HNRNPUL2: variants seen among roughly 807,000 people sequenced by gnomAD.
The protein encoded by HNRNPUL2 is heterogeneous nuclear ribonucleoprotein U like 2.
Under a neutral mutation model 102.2 loss-of-function variants are expected in HNRNPUL2, and 27 were observed. That is an observed-to-expected ratio of 0.26 (90% CI 0.19 to 0.36). The LOEUF (loss-of-function observed/expected upper bound fraction) is 0.36. Ranked by LOEUF, HNRNPUL2 falls within the 10% of genes least tolerant of loss-of-function variation. The pLI is 1.00. For missense variants in HNRNPUL2, 936 were observed against 981.1 expected, an observed-to-expected ratio of 0.95 and a Z score of 0.61; for synonymous variants, 458 against 387.2, an observed-to-expected ratio of 1.18 and a Z score of -2.15.
intron 9 of HNRNPUL2, among the ~76,000 whole-genome samples, chr11:62,720,790 C>G (rs930069278): frequency 2.8e-5 from 4 of 144,842 alleles, no homozygotes; most frequent in Non-Finnish European, 6.0e-5. Context: ...CATGAACCTA[C>G]GAGGCTGAGC....
Position 62,726,675 on chromosome 11 carries a change from C to G in HNRNPUL2, c.482G>C (p.Ser161Thr). 1 of 1,600,024 alleles carries G rather than the reference C, an allele frequency of 6.2e-7. No homozygotes were observed. The highest frequency in any genetic ancestry group is 1.3e-5 in the African/African-American group (1 of 75,014). ...CTCGGATCCCGGCGTCTCGTCCCCGCTCCGCTCCTCGGGTTCGTCTTCCTC... is the reference window on the plus strand; with the variant it reads ...CTCGGATCCCGGCGTCTCGTCCCCGGTCCGCTCCTCGGGTTCGTCTTCCTC... ...KREEDEPEERSGDETPGSEVP... is the reference protein window; with the variant it reads ...KREEDEPEERTGDETPGSEVP... The change falls in exon 1 of 14, where the codon AGC (serine) becomes ACC (threonine). Residue 161 changes from serine to threonine, a missense_variant. Around this residue, in one of 2 missense-constraint regions of HNRNPUL2, gnomAD observed 327 missense variants for 268.1 expected, o/e 1.22. Coordinates refer to ENST00000301785, the MANE Select transcript of HNRNPUL2 (RefSeq NM_001079559.3).
rs1388183826 is a variant in HNRNPUL2, at chr11:62,727,033, G to C, written c.124C>G (p.Leu42Val). 3 of 1,397,894 alleles carry C rather than the reference G, an allele frequency of 2.1e-6. No homozygotes were observed. The highest frequency in any genetic ancestry group is 2.9e-5 in the South Asian group (2 of 68,322). The allele number at this position is 1,397,894 out of a possible 1,614,324, so 86.6% of individuals were successfully genotyped here. Residue 42 changes from leucine (L) to valine (V), a missense_variant, in exon 1 of 14, where the codon CTC (leucine) becomes GTC (valine). Physicochemically the swap from Leu to Val is conservative, Grantham distance 32. This residue lies in a region of HNRNPUL2 where 327 missense variants were observed against 268.1 expected (regional missense o/e 1.22). Coordinates refer to ENST00000301785, the MANE Select transcript of HNRNPUL2 (RefSeq NM_001079559.3). ...CCGCCGCCGCCGGCCTCGTCCTCGA[G>C]CATCTCGGCGTCCAGCGCCTCCTGC... ...RLQEALDAEMLEDEAGGGGAG... is the reference protein window; with the variant it reads ...RLQEALDAEMVEDEAGGGGAG...
Position 62,727,400 on chromosome 11 carries a change from T to C in HNRNPUL2, c.-244A>G, listed in dbSNP as rs987816740. The C allele has an allele frequency of 2.0e-5, 8 of 399,592 alleles. No homozygotes were observed. The highest frequency in any genetic ancestry group is 2.8e-5 in the Non-Finnish European group (7 of 248,392). The allele number at this position is 399,592 out of a possible 1,614,324, so 24.8% of individuals were successfully genotyped here. A position where few individuals can be genotyped will look rare whatever the true frequency, so the allele number is the denominator to read the frequency against. On this transcript the variant is annotated 5_prime_UTR_variant, in exon 1 of 14. Transcript: ENST00000301785. The stretch of plus-strand genomic sequence containing the variant: ...AGCCCAAAACAACGCAGCAGGGAGC[T>C]GTTTCCCCTCCAGGCCCTTGGTTCC...
In HNRNPUL2 at chr11:62,718,902, C is replaced by T. The variant is rs1565160658; in HGVS notation, c.1780+1121G>A. Reference sequence around the variant, plus strand: ...GTGCAGTGGCACAATCCCAGCTCACCGCAAACTCTGCCACCTAGGTTCAAG... The same window carrying T: ...GTGCAGTGGCACAATCCCAGCTCACTGCAAACTCTGCCACCTAGGTTCAAG... On this transcript the variant is annotated intron_variant, in intron 10 of 13. Coordinates refer to ENST00000301785, the MANE Select transcript of HNRNPUL2 (RefSeq NM_001079559.3). Among the ~76,000 whole-genome samples, 5 of 151,796 alleles carry T rather than the reference C, an allele frequency of 3.3e-5. No homozygotes were observed. The South Asian group carries it at 1.0e-3, about 32-fold the overall frequency.
chr11:62,717,458 TA>T (rs1418065506), intron 10 of HNRNPUL2, among the ~76,000 whole-genome samples: 1 of 152,222 alleles, frequency 6.6e-6, no homozygotes, highest in Non-Finnish European at 1.5e-5. Flanking sequence ...TGAACTGGGT[TA>T]AAGTTTCTCA....
chr11:62,721,068 A>G (rs556582850), intron 9 of HNRNPUL2, among the ~76,000 whole-genome samples: 9 of 152,278 alleles, frequency 5.9e-5, no homozygotes, highest in African/African-American at 1.9e-4. Context: ...CAGGAATTCA[A>G]ATGAGTTCCA....
In HNRNPUL2 at chr11:62,721,442, A is replaced by G; in HGVS notation, c.1483-19T>C. ...CCTTCATCTGATTAGTTTGAGAGGAAGTGAAAAAAAAAAACAAAACACAAG... is the reference window on the plus strand; with the variant it reads ...CCTTCATCTGATTAGTTTGAGAGGAGGTGAAAAAAAAAAACAAAACACAAG... On this transcript the variant is annotated intron_variant, in intron 8 of 13. Coordinates refer to ENST00000301785, the MANE Select transcript of HNRNPUL2 (RefSeq NM_001079559.3). 6.9e-7 allele frequency: 1 copy of G among 1,448,648 alleles called. No individual in the cohort carries two copies. Among genetic ancestry groups the G allele is most frequent in the African/African-American group, 1.9e-5 (1 of 51,728 alleles). The allele number at this position is 1,448,648 out of a possible 1,614,324, so 89.7% of individuals were successfully genotyped here.
rs183199947 is a variant in HNRNPUL2, at chr11:62,726,272, C to G, written c.538+347G>C. On this transcript the variant is annotated intron_variant, in intron 1 of 13. Coordinates refer to ENST00000301785, the MANE Select transcript of HNRNPUL2 (RefSeq NM_001079559.3). Reference sequence around the variant, plus strand: ...CCCTCTAACTGTGGGCCTAGTTCTCCGTGTAATCCCCAATTGCTTAGCACT... The same window carrying G: ...CCCTCTAACTGTGGGCCTAGTTCTCGGTGTAATCCCCAATTGCTTAGCACT... 5.9e-5 allele frequency among the ~76,000 whole-genome samples: 9 copies of G among 152,240 alleles called. No individual in the cohort carries two copies. In the East Asian group the frequency reaches 1.7e-3, roughly 29 times the overall value.
At chr11:62,716,901 G>T in intron 11 of HNRNPUL2, 88 bp downstream of exon 11, 3 of 1,361,608 alleles carry the variant, frequency 2.2e-6, no homozygotes, top group Non-Finnish European at 3.1e-6. Context: ...GACCTGACTT[G>T]GTTTCCTTGG....
chr11:62,721,343 C>T lies in HNRNPUL2; in HGVS notation c.1563G>A (p.Lys521=). The T allele has an allele frequency of 6.2e-7, 1 of 1,609,730 alleles. No individual in the cohort carries two copies. Residue 521 remains lysine (K), a synonymous_variant, in exon 9 of 14, where the codon AAG becomes AAA. Transcript: ENST00000301785. ...TTGTCCGGGAAGCAATCTGGACCAG[C>T]TTACTAAGGCACTGGGAGGCTTGCT... ...LVQQASQCLS[K]LVQIASRTKR... is the part of the protein sequence containing the mutation.
At position 62,722,185 on chromosome 11, in the gene HNRNPUL2, T is replaced by C. The variant is rs2083708134; in HGVS notation, c.1291A>G (p.Ile431Val). The change falls in exon 7 of 14, where the codon ATT becomes GTT. Residue 431 changes from isoleucine (I) to valine (V), a missense_variant. Transcript: ENST00000301785. Reference protein sequence around the residue: ...FFPPPEEFVFIHAVPVEERVR... With the variant: ...FFPPPEEFVFVHAVPVEERVR... ...CGCTCCTCAACAGGCACAGCATGAA[T>C]GAACACAAACTCTTCTGGTGGTGGG... The C allele has an allele frequency of 1.9e-6, 3 of 1,614,054 alleles. No individual in the cohort carries two copies. The highest frequency in any genetic ancestry group is 1.7e-5 in the Admixed American group (1 of 60,002).
At chr11:62,718,055 T>C (rs7110307) in intron 10 of HNRNPUL2, among the ~76,000 whole-genome samples, 5,606 of 152,238 alleles carry the variant, frequency 0.037, 343 homozygotes, top group African/African-American at 0.13. Context: ...GTAAGAGTTA[T>C]GGACTGGCAT....
In HNRNPUL2 at chr11:62,721,879, C is replaced by T; in HGVS notation, c.1423G>A (p.Glu475Lys). The change falls in exon 8 of 14, where the codon GAA becomes AAA. Residue 475 changes from glutamate to lysine, a missense_variant. Transcript: ENST00000301785. Reference protein sequence around the residue: ...KTQWALKYAKENPEKRYNVLG... With the variant: ...KTQWALKYAKKNPEKRYNVLG... ...ACATTGTATCTTTTCTCAGGGTTTT[C>T]TTTTGCATATTTCAGTGCCCACTGG... 6.2e-7 allele frequency: 1 copy of T among 1,614,174 alleles called. No homozygotes were observed. The highest frequency in any genetic ancestry group is 8.5e-7 in the Non-Finnish European group (1 of 1,180,006).
In HNRNPUL2 at chr11:62,713,424, T is replaced by G. The variant is rs190497815; in HGVS notation, c.*1875A>C. Reference sequence around the variant, plus strand: ...TCCCTTAATAATAATACAAAGTTAATGTGTTACAGAAAAATTCATGCAATC... The same window carrying G: ...TCCCTTAATAATAATACAAAGTTAAGGTGTTACAGAAAAATTCATGCAATC... On this transcript the variant is annotated 3_prime_UTR_variant, in exon 14 of 14. Transcript: ENST00000301785. 7.2e-5 allele frequency: 11 copies of G among 152,236 alleles called. No homozygotes were observed. Among genetic ancestry groups the G allele is most frequent in the Admixed American group, 7.2e-4 (11 of 15,276 alleles). 9.4% of individuals were successfully genotyped at this position (152,236 alleles called of 1,614,324 possible).
chr11:62,715,591 T>C lies in HNRNPUL2; in HGVS notation c.2072A>G (p.Tyr691Cys), dbSNP rs990901807. The change falls in exon 13 of 14, where the codon TAT (tyrosine) becomes TGT (cysteine). Residue 691 changes from tyrosine to cysteine, a missense_variant. By Grantham distance (194) the Tyr-to-Cys change is radical. This residue lies in a region of HNRNPUL2 where 609 missense variants were observed against 713.0 expected (regional missense o/e 0.85). Transcript: ENST00000301785. The part of the protein sequence containing the change: ...PGNRGGYRNF[Y>C]DRYRGDYDRF... ...ATCATAGTCTCCCCTGTATCGATCA[T>C]AGAAATTACGGTAACCCTGAGAAAG... 3.2e-5 allele frequency: 52 copies of C among 1,612,818 alleles called. No homozygotes were observed. The highest frequency in any genetic ancestry group is 1.7e-4 in the Admixed American group (10 of 59,980).
chr11:62,715,732 TA>T (rs2083655514), intron 12 of HNRNPUL2, 125 bp from the exon 13 acceptor site: 1 of 1,143,320 alleles, frequency 8.7e-7, no homozygotes, highest in Non-Finnish European at 1.3e-6. Flanking sequence ...TTTCCCATAG[TA>T]AATCTTCCAG....
chr11:62,721,772 T>C, intron 8 of HNRNPUL2, 48 bp downstream of exon 8: 2 of 1,598,708 alleles, frequency 1.3e-6, no homozygotes, highest in Non-Finnish European at 1.7e-6. Flanking sequence ...AGATAGGTTA[T>C]AAGAGTCTCC....
chr11:62,723,847 G>A (rs2083723190), intron 3 of HNRNPUL2, 67 bp downstream of exon 3: 1 of 1,597,318 alleles, frequency 6.3e-7, no homozygotes, highest in Non-Finnish European at 8.6e-7. Flanking sequence ...AGGCTATGAA[G>A]TTTTAATCTC....
intron 11 of HNRNPUL2, 56 bp from the exon 12 acceptor site, chr11:62,715,993 A>ATC: frequency 1.4e-6 from 2 of 1,385,752 alleles, no homozygotes; most frequent in Non-Finnish European, 2.0e-6. Flanking sequence ...CTGGCTCCAC[A>ATC]TCTGGGTGGA....
Sources: gnomAD v4.1 joint callset for allele counts (sites outside exome capture counted in the v4.1 genomes callset) on GRCh38, gnomAD v4.1.1 for gene constraint, gnomAD v4.1.1 regional missense constraint, MANE v1.5 for transcripts, NCBI Gene and HGNC (gene_info 2026-07-23, HGNC 2026-07-21) for gene names.